Variants in IQSEC3 observed in about 807,000 individuals in gnomAD.
IQSEC3 encodes the protein IQ motif and Sec7 domain ArfGEF 3.
Under a neutral mutation model 105.4 loss-of-function variants are expected in IQSEC3, and 50 were observed. The ratio of observed to expected loss-of-function variants is 0.47; its 90% CI spans 0.38 to 0.60. The LOEUF (loss-of-function observed/expected upper bound fraction) is 0.60, where lower values mean the gene tolerates loss of function less well. Among genes scored for constraint, IQSEC3 ranks in the 20% least tolerant of loss-of-function variants. IQSEC3 has a pLI of 0.00. For synonymous variants in IQSEC3, 708 were observed against 746.0 expected, an observed-to-expected ratio of 0.95 and a Z score of 0.83; for missense variants, 1,415 against 1,630.0, an observed-to-expected ratio of 0.87 and a Z score of 2.27.
intron 7 of IQSEC3, among the ~76,000 whole-genome samples, chr12:160,852 G>A (rs988147572): frequency 2.6e-5 from 4 of 152,240 alleles, no homozygotes; most frequent in Admixed American, 1.3e-4. Flanking sequence ...CCAGGTCCTG[G>A]GGTGCCTGTG....
chr12:171,217 TCTC>T, intron 13 of IQSEC3, 56 bp downstream of exon 13: 1 of 1,613,742 alleles, frequency 6.2e-7, no homozygotes. Context: ...TTGTTCTTCT[TCTC>T]ACCGTCTCTG....
chr12:148,911 T>C (rs936522054), intron 5 of IQSEC3: 4 of 151,906 alleles, frequency 2.6e-5, no homozygotes, highest in African/African-American at 9.7e-5. Context: ...TCCCAACCAG[T>C]TCCTTTGTCT....
In IQSEC3 at chr12:176,698, G is replaced by C. The variant is rs117285284; in HGVS notation, c.*1665G>C. On this transcript the variant is annotated 3_prime_UTR_variant, in exon 14 of 14. Coordinates refer to ENST00000538872, the MANE Select transcript of IQSEC3 (RefSeq NM_001170738.2). The surrounding 1 kb of genome is among the most constrained non-coding windows in gnomAD (Gnocchi z 4.0). ...ATCTATTTCTGGCCCTGTCTTCGTC[G>C]GCCCAGTTTCTGTAACTTGCAGCCA... 6.6e-6 allele frequency: 1 copy of C among 152,188 alleles called. No homozygotes were observed. The highest frequency in any genetic ancestry group is 2.4e-5 in the African/African-American group (1 of 41,396). 9.4% of individuals were successfully genotyped at this position (152,188 alleles called of 1,614,324 possible).
At chr12:154,978 C>T (rs1866638452) in intron 5 of IQSEC3, among the ~76,000 whole-genome samples, 1 of 152,160 alleles carries the variant, frequency 6.6e-6, no homozygotes, top group Non-Finnish European at 1.5e-5. Context: ...CATGCTGGTT[C>T]ACCTCCTCCA....
intron 1 of IQSEC3, among the ~76,000 whole-genome samples, chr12:85,349 G>A (rs952975033): frequency 1.3e-5 from 2 of 152,242 alleles, no homozygotes; most frequent in African/African-American, 4.8e-5. Flanking sequence ...GCACCCATCT[G>A]CCAGGTAATA....
At chr12:80,414 C>G (rs1555070447) in intron 1 of IQSEC3, among the ~76,000 whole-genome samples, 2 of 152,182 alleles carry the variant, frequency 1.3e-5, no homozygotes, top group African/African-American at 4.8e-5. Flanking sequence ...CTGAACCGAT[C>G]TGATAAATAA....
intron 1 of IQSEC3, 92 bp from the exon 2 acceptor site, chr12:99,054 G>C (rs1190545079): frequency 2.5e-6 from 3 of 1,203,708 alleles, no homozygotes; most frequent in Non-Finnish European, 3.5e-6. Flanking sequence ...GGTAGGAGCA[G>C]CAAGATTTCA....
chr12:126,740 G>T, intron 3 of IQSEC3, among the ~76,000 whole-genome samples: 1 of 152,170 alleles, frequency 6.6e-6, no homozygotes, highest in East Asian at 1.9e-4. Context: ...AAAAAAATGA[G>T]AATTAACTTT....
intron 5 of IQSEC3, among the ~76,000 whole-genome samples, chr12:145,747 A>G (rs1417366135): frequency 1.3e-5 from 2 of 152,234 alleles, no homozygotes; most frequent in Non-Finnish European, 2.9e-5. Context: ...CGGTTTTCAC[A>G]TGGCTGGGGA....
At chr12:169,349 G>C (rs1938849276) in intron 12 of IQSEC3, among the ~76,000 whole-genome samples, 1 of 152,214 alleles carries the variant, frequency 6.6e-6, no homozygotes, top group African/African-American at 2.4e-5. Flanking sequence ...GTCCGTGTGA[G>C]ATGTCACTGT....
chr12:83,221 G>T (rs1025006737), intron 1 of IQSEC3, among the ~76,000 whole-genome samples: 2 of 152,142 alleles, frequency 1.3e-5, no homozygotes, highest in Admixed American at 1.3e-4. Flanking sequence ...TTCCTCAAGG[G>T]CCAGAATCAT....
At chr12:75,689 A>T (rs1863491877) in intron 1 of IQSEC3, among the ~76,000 whole-genome samples, 1 of 152,260 alleles carries the variant, frequency 6.6e-6, no homozygotes, top group Admixed American at 6.5e-5. Flanking sequence ...GTCAAACTCA[A>T]CACCTAGAAG....
At chr12:165,356 A>G (rs1867115599) in intron 9 of IQSEC3, 78 bp from the exon 10 acceptor site, 2 of 1,066,160 alleles carry the variant, frequency 1.9e-6, no homozygotes, top group Admixed American at 3.4e-5. Flanking sequence ...GTGATCGTGC[A>G]TCCCCCGGGT....
intron 13 of IQSEC3, among the ~76,000 whole-genome samples, chr12:172,680 T>C (rs1179707930): frequency 6.6e-6 from 1 of 152,220 alleles, no homozygotes; most frequent in African/African-American, 2.4e-5. Context: ...CCATCTTCTC[T>C]GAGCTGTTCT....
chr12:89,787 T>A (rs1424814771), intron 1 of IQSEC3, among the ~76,000 whole-genome samples: 1 of 152,252 alleles, frequency 6.6e-6, no homozygotes, highest in Admixed American at 6.5e-5. Flanking sequence ...ATGTTCCTTT[T>A]TATTGCTGAA....
chr12:156,737 G>C (rs1423843948), intron 5 of IQSEC3, among the ~76,000 whole-genome samples: 1 of 152,228 alleles, frequency 6.6e-6, no homozygotes, highest in Non-Finnish European at 1.5e-5. Context: ...CTGAGGTTAA[G>C]AAGGAAGGAA....
chr12:168,724 C>G (rs1591756618), intron 11 of IQSEC3, among the ~76,000 whole-genome samples: 1 of 152,098 alleles, frequency 6.6e-6, no homozygotes, highest in East Asian at 1.9e-4. Flanking sequence ...GTGTCAGGAC[C>G]AGGACCCAAA....
chr12:138,668 G>C lies in IQSEC3; in HGVS notation c.1305G>C (p.Gln435His), dbSNP rs1865874718. ...MCSLRESGAY[Q>H]LHQALQAAAG... ...CCCTGCGGGAGAGTGGCGCTTACCA[G>C]CTCCACCAGGCCCTGCAGGCGGCCG... The change falls in exon 4 of 14, where the codon CAG becomes CAC. Residue 435 changes from glutamine (Q) to histidine (H), a missense_variant. Gln to His is a conservative substitution (Grantham distance 24). Transcript: ENST00000538872. This position sits in a 1 kb window ranked among gnomAD's most constrained non-coding sequence, Gnocchi z 7.1. 1 of 1,558,904 alleles carries C rather than the reference G, an allele frequency of 6.4e-7. No homozygotes were observed. Among genetic ancestry groups the C allele is most frequent in the East Asian group, 2.4e-5 (1 of 41,850 alleles).
At chr12:136,564 C>T (rs1005484917) in intron 3 of IQSEC3, among the ~76,000 whole-genome samples, 3 of 152,134 alleles carry the variant, frequency 2.0e-5, no homozygotes, top group Non-Finnish European at 2.9e-5. Context: ...TCTGTACCCT[C>T]GCCATCCATG....
Sources: allele counts gnomAD v4.1 joint callset (sites outside exome capture counted in the v4.1 genomes callset), GRCh38; gene constraint gnomAD v4.1.1; non-coding constraint Gnocchi (gnomAD v3.1); transcripts MANE v1.5; gene names NCBI Gene and HGNC (gene_info 2026-07-23, HGNC 2026-07-21).